The following DPP6 variants were observed in gnomAD, a reference collection of about 807,000 sequenced individuals.
The protein encoded by DPP6 is A-type potassium channel modulatory protein DPP6.
A neutral mutation model predicts 122.6 loss-of-function variants in DPP6; 69 were observed. That is an observed-to-expected ratio of 0.56 (90% CI 0.46 to 0.69). The LOEUF (loss-of-function observed/expected upper bound fraction) is 0.69, where lower values mean the gene tolerates loss of function less well. Ranked by LOEUF, DPP6 falls within the 30% of genes least tolerant of loss-of-function variation. DPP6 has a pLI of 0.00. For missense variants in DPP6, 928 were observed against 1,116.9 expected (o/e 0.83, Z 2.41); for synonymous variants, 418 against 433.1 (o/e 0.97, Z 0.43).
rs541504573 is a variant in DPP6, at chr7:154,085,351, G to A, written c.243+32288G>A. 1.7e-4 allele frequency among the ~76,000 whole-genome samples: 26 copies of A among 152,098 alleles called. No homozygotes were observed. The East Asian group carries it at 4.1e-3, about 24-fold the overall frequency. On this transcript the variant is annotated intron_variant, in intron 1 of 25. Transcript: ENST00000377770. ...CCTCATCTGAACTGAAAACTCTCTTGCCTCTTGTACTCAATTGGCCTTTAC... is the reference window on the plus strand; with the variant it reads ...CCTCATCTGAACTGAAAACTCTCTTACCTCTTGTACTCAATTGGCCTTTAC...
chr7:154,082,388 A>G (rs1394389470), intron 1 of DPP6, among the ~76,000 whole-genome samples: 1 of 152,182 alleles, frequency 6.6e-6, no homozygotes, highest in Non-Finnish European at 1.5e-5. Flanking sequence ...AAATTGATCC[A>G]GGGTCAAACA....
chr7:153,868,234 T>A, the DPP6 span, among the ~76,000 whole-genome samples: 1 of 152,150 alleles, frequency 6.6e-6, no homozygotes, highest in Non-Finnish European at 1.5e-5. Context: ...TGGTACCAGC[T>A]CCTCCTTGTA....
chr7:153,802,335 G>A, the DPP6 span, among the ~76,000 whole-genome samples: 1 of 152,160 alleles, frequency 6.6e-6, no homozygotes, highest in Admixed American at 6.5e-5. Context: ...TGTGCCTACT[G>A]GTGGGGAATT....
At chr7:154,053,119 G>A (rs1800506821) in intron 1 of DPP6, 56 bp downstream of exon 1, 1 of 1,011,354 alleles carries the variant, frequency 9.9e-7, no homozygotes, top group East Asian at 7.1e-5. Flanking sequence ...TGAGCGCGCA[G>A]CGAGACGCGT....
chr7:154,342,630 C>T (rs73167348), intron 1 of DPP6, among the ~76,000 whole-genome samples: 2,766 of 152,296 alleles, frequency 0.018, 34 homozygotes, highest in Non-Finnish European at 0.026. Flanking sequence ...ATTAACAGAA[C>T]AGTCAATGCC....
chr7:154,729,520 T>A (rs951728522), intron 8 of DPP6, among the ~76,000 whole-genome samples: 2 of 152,344 alleles, frequency 1.3e-5, no homozygotes, highest in East Asian at 1.9e-4. Context: ...GACAGTTTGA[T>A]GAGTTTGGCA....
chr7:154,662,118 G>A lies in DPP6; in HGVS notation c.681-7242G>A, dbSNP rs546241288. Among the ~76,000 whole-genome samples the A allele has an allele frequency of 8.9e-3, 1,284 of 143,968 alleles. 11 individuals carry two copies. Among genetic ancestry groups the A allele is most frequent in the Middle Eastern group, 0.045 (10 of 220 alleles). 94.4% of individuals were successfully genotyped at this position (143,968 alleles called of 152,430 possible). A position where few individuals can be genotyped will look rare whatever the true frequency, so the allele number is the denominator to read the frequency against. ...TGGTGAATCACCATGGCATATTGGC[G>A]CTAGTATTCATATAGTCATGGTGAA... is the stretch of plus-strand genomic sequence containing the variant. On this transcript the variant is annotated intron_variant, in intron 6 of 25. Coordinates refer to ENST00000377770, the MANE Select transcript of DPP6 (RefSeq NM_130797.4).
At chr7:154,844,200 T>C (rs1219393970) in intron 16 of DPP6, among the ~76,000 whole-genome samples, 1 of 152,172 alleles carries the variant, frequency 6.6e-6, no homozygotes, top group Non-Finnish European at 1.5e-5. Flanking sequence ...TTTAATAAGT[T>C]TTACTGACCA....
intron 5 of DPP6, among the ~76,000 whole-genome samples, chr7:154,575,344 T>TGTG (rs1831520882): frequency 1.7e-5 from 1 of 60,020 alleles, no homozygotes. Context: ...GGTGTGTGTA[T>TGTG]GTGTGTGTGG....
intron 17 of DPP6, among the ~76,000 whole-genome samples, chr7:154,867,552 G>T (rs995318626): frequency 1.3e-5 from 2 of 152,158 alleles, no homozygotes; most frequent in Admixed American, 6.5e-5. Context: ...TTATTTCTGG[G>T]AACATTTAAT....
At chr7:154,149,100 G>A (rs112461439) in intron 1 of DPP6, among the ~76,000 whole-genome samples, 10,463 of 145,218 alleles carry the variant, frequency 0.072, no homozygotes, top group African/African-American at 0.28. Context: ...TCATCCCTCC[G>A]ATGGCCATTC....
chr7:154,408,541 A>C (rs1459939360), intron 1 of DPP6, among the ~76,000 whole-genome samples: 1 of 152,158 alleles, frequency 6.6e-6, no homozygotes, highest in African/African-American at 2.4e-5. Flanking sequence ...TACACAATTT[A>C]TCTCTTGTTA....
intron 1 of DPP6, among the ~76,000 whole-genome samples, chr7:154,045,282 C>A (rs540995217): frequency 2.6e-5 from 4 of 151,766 alleles, no homozygotes; most frequent in Admixed American, 6.6e-5. Flanking sequence ...TTAGGAGAAT[C>A]CTTGTCCAAT....
chr7:154,143,205 A>G (rs535261076), intron 1 of DPP6, among the ~76,000 whole-genome samples: 1 of 152,204 alleles, frequency 6.6e-6, no homozygotes. Context: ...TGCCGTATTC[A>G]GAATAAAAAG....
chr7:153,868,854 T>G, the DPP6 span, among the ~76,000 whole-genome samples: 1 of 152,248 alleles, frequency 6.6e-6, no homozygotes, highest in Non-Finnish European at 1.5e-5. Context: ...ATGTTTTGTC[T>G]TTGTTCTCGT....
intron 1 of DPP6, among the ~76,000 whole-genome samples, chr7:153,950,296 G>A (rs1802149249): frequency 6.6e-6 from 1 of 152,144 alleles, no homozygotes; most frequent in Non-Finnish European, 1.5e-5. Flanking sequence ...ATGGCGGCAT[G>A]TAGAAAAATA....
intron 2 of DPP6, among the ~76,000 whole-genome samples, chr7:154,460,648 A>T (rs1821216903): frequency 6.6e-6 from 1 of 152,234 alleles, no homozygotes; most frequent in Non-Finnish European, 1.5e-5. Flanking sequence ...ATCAAATAAT[A>T]AGTTGGTTTT....
chr7:154,740,382 G>T (rs1842763431), intron 8 of DPP6, among the ~76,000 whole-genome samples: 2 of 151,490 alleles, frequency 1.3e-5, no homozygotes, highest in South Asian at 4.1e-4. Context: ...TAAAATGCAA[G>T]CTGCAAATGC....
chr7:153,869,265 C>T, the DPP6 span, among the ~76,000 whole-genome samples: 3 of 152,090 alleles, frequency 2.0e-5, no homozygotes, highest in African/African-American at 7.2e-5. Flanking sequence ...TAAAGTCTCC[C>T]ATTATTATTG....
Sources: allele counts gnomAD v4.1 joint callset (sites outside exome capture counted in the v4.1 genomes callset), GRCh38; gene constraint gnomAD v4.1.1; transcripts MANE v1.5; gene names NCBI Gene and HGNC (gene_info 2026-07-23, HGNC 2026-07-21).